MGARP: variants seen among roughly 807,000 people sequenced by gnomAD.
MGARP encodes protein MGARP.
Under a neutral mutation model 11.0 loss-of-function variants are expected in MGARP, and 12 were observed. The ratio of observed to expected loss-of-function variants is 1.09; its 90% CI spans 0.70 to 1.77. The LOEUF is 1.77. MGARP is among the 40% of genes most tolerant of loss of function. The pLI is 0.00. For missense variants in MGARP, 283 were observed against 297.8 expected (o/e 0.95, Z 0.36); for synonymous variants, 110 against 115.4 (o/e 0.95, Z 0.30).
intron 2 of MGARP, among the ~76,000 whole-genome samples, chr4:139,270,119 T>TG (rs34652008): frequency 0.31 from 47,367 of 151,194 alleles, 8,412 homozygotes; most frequent in African/African-American, 0.49. Flanking sequence ...CTGACCAACA[T>TG]GAGAAATCTG....
intron 3 of MGARP, 25 bp from the exon 4 acceptor site, chr4:139,267,066 G>C (rs779503649): frequency 1.2e-6 from 2 of 1,600,136 alleles, no homozygotes; most frequent in East Asian, 2.2e-5. Flanking sequence ...CATTAAGCAA[G>C]GTATTAATTT....
chr4:139,267,377 TA>T (rs112689302), intron 3 of MGARP, among the ~76,000 whole-genome samples: 2 of 150,692 alleles, frequency 1.3e-5, no homozygotes, highest in African/African-American at 2.4e-5. Flanking sequence ...TCTTTGAACT[TA>T]AAAAAAAACA....
intron 2 of MGARP, 59 bp from the exon 3 acceptor site, chr4:139,268,824 T>C: frequency 7.8e-7 from 1 of 1,286,362 alleles, no homozygotes; most frequent in East Asian, 2.3e-5. Flanking sequence ...TCACGCCACA[T>C]CCAAAGGTAC....
At chr4:139,276,541 A>G (rs894102087) in intron 1 of MGARP, among the ~76,000 whole-genome samples, 5 of 152,198 alleles carry the variant, frequency 3.3e-5, no homozygotes, top group Non-Finnish European at 7.3e-5. Flanking sequence ...GTACAGGATG[A>G]ATATCCCTTA....
At chr4:139,274,778 C>A (rs1428561099) in intron 2 of MGARP, among the ~76,000 whole-genome samples, 1 of 152,168 alleles carries the variant, frequency 6.6e-6, no homozygotes, top group African/African-American at 2.4e-5. Flanking sequence ...CCACTGCACC[C>A]AGCTCCTATA....
At position 139,280,201 on chromosome 4, in the gene MGARP, C is replaced by G. The variant is rs1744939573; in HGVS notation, c.-43G>C. On this transcript the variant is annotated 5_prime_UTR_variant, in exon 1 of 4. Transcript: ENST00000398955. Reference sequence around the variant, plus strand: ...GCGCAGCAGCCTCGGTACCCAGGCGCAGGCTGCCCTTCCACAGAGAGGCTG... The same window carrying G: ...GCGCAGCAGCCTCGGTACCCAGGCGGAGGCTGCCCTTCCACAGAGAGGCTG... 6 of 1,567,724 alleles carry G rather than the reference C, an allele frequency of 3.8e-6. No individual in the cohort carries two copies. The highest frequency in any genetic ancestry group is 5.2e-6 in the Non-Finnish European group (6 of 1,156,862).
intron 2 of MGARP, among the ~76,000 whole-genome samples, chr4:139,274,902 A>T (rs1744843356): frequency 6.6e-6 from 1 of 152,212 alleles, no homozygotes; most frequent in Non-Finnish European, 1.5e-5. Context: ...TATGATAAAC[A>T]CTCAAGTATC....
Position 139,275,319 on chromosome 4 carries a change from T to TA in MGARP, c.155dup (p.Gly53ArgfsTer26). 1 of 1,614,048 alleles carries TA rather than the reference T, an allele frequency of 6.2e-7. No homozygotes were observed. Among genetic ancestry groups the TA allele is most frequent in the Admixed American group, 1.7e-5 (1 of 60,006 alleles). ...ATCCACCAGCACTGACTGTGACGCC[T>TA]ACAACCAGATAATAAATCATATTTG... On this transcript the variant is annotated frameshift_variant, in exon 2 of 4. Coordinates refer to ENST00000398955, the MANE Select transcript of MGARP (RefSeq NM_032623.4). LOFTEE classifies it high-confidence loss of function.
intron 2 of MGARP, among the ~76,000 whole-genome samples, chr4:139,269,651 AAAAG>A (rs995877929): frequency 3.3e-5 from 5 of 151,756 alleles, no homozygotes; most frequent in Admixed American, 1.3e-4. Flanking sequence ...AAAAAAAGAA[AAAAG>A]AAAGAAAGAA....
At chr4:139,276,282 C>T (rs1298120377) in intron 1 of MGARP, among the ~76,000 whole-genome samples, 1 of 152,056 alleles carries the variant, frequency 6.6e-6, no homozygotes, top group Non-Finnish European at 1.5e-5. Context: ...AGATAAGGTC[C>T]CTAGTCTCAA....
chr4:139,278,430 T>C (rs147195809), intron 1 of MGARP, among the ~76,000 whole-genome samples: 1 of 152,350 alleles, frequency 6.6e-6, no homozygotes, highest in Non-Finnish European at 1.5e-5. Flanking sequence ...TTTTAAGTGC[T>C]GCAAAAATAG....
chr4:139,271,136 G>A (rs185683661), intron 2 of MGARP, among the ~76,000 whole-genome samples: 1 of 152,090 alleles, frequency 6.6e-6, no homozygotes, highest in Non-Finnish European at 1.5e-5. Context: ...TTTAGACTTT[G>A]GCAGTTATTT....
chr4:139,275,243 G>T lies in MGARP; in HGVS notation c.186+46C>A, dbSNP rs763444957. The T allele has an allele frequency of 2.0e-6, 3 of 1,512,728 alleles. No individual in the cohort carries two copies. In the South Asian group the frequency reaches 3.4e-5, roughly 17 times the overall value. The allele number at this position is 1,512,728 out of a possible 1,614,324, so 93.7% of individuals were successfully genotyped here. A position where few individuals can be genotyped will look rare whatever the true frequency, so the allele number is the denominator to read the frequency against. ...GTTGCTTTGAGCTTTACCATGAGTTGTAAAATACATGAATTCTTGAGCACT... is the reference window on the plus strand; with the variant it reads ...GTTGCTTTGAGCTTTACCATGAGTTTTAAAATACATGAATTCTTGAGCACT... On this transcript the variant is annotated intron_variant, in intron 2 of 3. Transcript: ENST00000398955.
In MGARP at chr4:139,272,781, G is replaced by A. The variant is rs544048310; in HGVS notation, c.186+2508C>T. 1.5e-4 allele frequency among the ~76,000 whole-genome samples: 21 copies of A among 139,992 alleles called. No individual in the cohort carries two copies. In the East Asian group the frequency reaches 2.3e-3, roughly 15 times the overall value. 91.8% of individuals were successfully genotyped at this position (139,992 alleles called of 152,430 possible). A position where few individuals can be genotyped will look rare whatever the true frequency, so the allele number is the denominator to read the frequency against. The stretch of plus-strand genomic sequence containing the variant: ...GGCTCACTGCAACCTCCGCCTCCCC[G>A]GTTCAAGCAATTCTCTGCCTCAGCC... On this transcript the variant is annotated intron_variant, in intron 2 of 3. Coordinates refer to ENST00000398955, the MANE Select transcript of MGARP (RefSeq NM_032623.4).
chr4:139,268,731 T>C lies in MGARP; in HGVS notation c.221A>G (p.His74Arg), dbSNP rs1181887471. Residue 74 changes from histidine to arginine, a missense_variant, in exon 3 of 4, where the codon CAC (histidine) becomes CGC (arginine). His to Arg is a conservative substitution (Grantham distance 29). Coordinates refer to ENST00000398955, the MANE Select transcript of MGARP (RefSeq NM_032623.4). ...YKTVTSDQAK[H>R]TEHKTNLKEK... ...TTTCAAATTTGTTTTATGTTCTGTG[T>C]GTTTGGCTTGGTCTGATGTGACTGT... 3 of 1,612,582 alleles carry C rather than the reference T, an allele frequency of 1.9e-6. No homozygotes were observed. The highest frequency in any genetic ancestry group is 2.5e-6 in the Non-Finnish European group (3 of 1,179,426).
At chr4:139,270,439 C>G (rs562259606) in intron 2 of MGARP, among the ~76,000 whole-genome samples, 68 of 150,966 alleles carry the variant, frequency 4.5e-4, no homozygotes, top group Non-Finnish European at 9.3e-4. Flanking sequence ...GAAACCCCAT[C>G]TCTACAAAAA....
chr4:139,274,417 C>T (rs779631873), intron 2 of MGARP, among the ~76,000 whole-genome samples: 5 of 151,890 alleles, frequency 3.3e-5, no homozygotes, highest in Non-Finnish European at 5.9e-5. Context: ...ACTTTCTGCT[C>T]ATTATTTTGT....
At chr4:139,268,608 T>C in intron 3 of MGARP, 64 bp downstream of exon 3, 1 of 1,139,812 alleles carries the variant, frequency 8.8e-7, no homozygotes, top group Non-Finnish European at 1.2e-6. Context: ...ATTGCTAGAC[T>C]AAGTGGATGG....
intron 1 of MGARP, among the ~76,000 whole-genome samples, chr4:139,277,822 G>C (rs537232419): frequency 2.0e-5 from 3 of 152,210 alleles, no homozygotes; most frequent in Admixed American, 6.5e-5. Flanking sequence ...ATACTAAAAC[G>C]TAATTAGTTG....
Sources: gnomAD v4.1 joint callset for allele counts (sites outside exome capture counted in the v4.1 genomes callset) on GRCh38, gnomAD v4.1.1 for gene constraint, MANE v1.5 for transcripts, NCBI Gene and HGNC (gene_info 2026-07-23, HGNC 2026-07-21) for gene names.